Variants in TXNDC11 observed in about 807,000 individuals in gnomAD.
TXNDC11 encodes the protein thioredoxin domain-containing protein 11.
TXNDC11 carries 68 observed loss-of-function variants against 78.0 expected under a neutral mutation model. The ratio of observed to expected loss-of-function variants is 0.87; its 90% CI spans 0.72 to 1.07. The LOEUF (loss-of-function observed/expected upper bound fraction) is 1.07. TXNDC11 is among the 50% of genes least tolerant of loss of function. The pLI is 0.00. For missense variants in TXNDC11, 1,389 were observed against 1,221.8 expected (o/e 1.14, Z -2.04); for synonymous variants, 571 against 495.2 (o/e 1.15, Z -2.03).
chr16:11,701,821 G>A (rs909336602), intron 5 of TXNDC11, among the ~76,000 whole-genome samples: 6 of 152,044 alleles, frequency 3.9e-5, no homozygotes, highest in African/African-American at 1.2e-4. Context: ...AAGGCAAAAC[G>A]GCACAGCCAC....
chr16:11,701,631 G>A (rs2051028892), intron 5 of TXNDC11, among the ~76,000 whole-genome samples: 1 of 152,036 alleles, frequency 6.6e-6, no homozygotes, highest in Non-Finnish European at 1.5e-5. Context: ...CACAGAAAAG[G>A]AAATATGTAT....
At chr16:11,709,403 A>C in intron 5 of TXNDC11, among the ~76,000 whole-genome samples, 2 of 133,670 alleles carry the variant, frequency 1.5e-5, no homozygotes, top group Admixed American at 7.7e-5. Flanking sequence ...CACCACCACC[A>C]TGCGTAGCTA....
At chr16:11,737,452 A>T (rs1454257083) in intron 1 of TXNDC11, among the ~76,000 whole-genome samples, 1 of 152,090 alleles carries the variant, frequency 6.6e-6, no homozygotes, top group Non-Finnish European at 1.5e-5. Flanking sequence ...TCTAAAAAAA[A>T]AAAAAAGAAA....
At chr16:11,733,899 C>G (rs2052133198) in intron 3 of TXNDC11, 83 bp downstream of exon 3, 1 of 950,462 alleles carries the variant, frequency 1.1e-6, no homozygotes, top group East Asian at 2.6e-5. Context: ...ATATCTAATA[C>G]TTTAATATAG....
At chr16:11,692,800 C>G (rs1001728185) in intron 7 of TXNDC11, among the ~76,000 whole-genome samples, 2 of 152,158 alleles carry the variant, frequency 1.3e-5, no homozygotes, top group African/African-American at 4.8e-5. Context: ...TGAGATAAAA[C>G]CTCCACACAA....
In TXNDC11 at chr16:11,679,869, G is replaced by C. The variant is rs1210712807; in HGVS notation, c.2235-32C>G. ...AGAGAGGGAAAGGAAGCAAAGACAG[G>C]AGTCACACCAACACAATGAGTCCAA... On this transcript the variant is annotated intron_variant, in intron 11 of 11. Transcript: ENST00000283033. The surrounding 1 kb of genome is among the most constrained non-coding windows in gnomAD (Gnocchi z 4.6). 1 of 1,581,384 alleles carries C rather than the reference G, an allele frequency of 6.3e-7. No individual in the cohort carries two copies. Among genetic ancestry groups the C allele is most frequent in the Admixed American group, 1.7e-5 (1 of 58,406 alleles).
At chr16:11,704,950 C>A (rs1415347916) in intron 5 of TXNDC11, among the ~76,000 whole-genome samples, 1 of 151,558 alleles carries the variant, frequency 6.6e-6, no homozygotes, top group Admixed American at 6.6e-5. Context: ...TGTTCTGTCG[C>A]CCAGGCTGGA....
chr16:11,737,774 G>C (rs1597503725), intron 1 of TXNDC11, among the ~76,000 whole-genome samples: 2 of 149,318 alleles, frequency 1.3e-5, no homozygotes, highest in South Asian at 4.3e-4. Context: ...GCTGAGGCAG[G>C]AGAATTGTGT....
intron 11 of TXNDC11, among the ~76,000 whole-genome samples, chr16:11,681,289 G>C (rs999003438): frequency 9.2e-5 from 14 of 152,340 alleles, no homozygotes; most frequent in Admixed American, 3.9e-4. Flanking sequence ...GCACAAGCCT[G>C]GTCTTGTAAG....
intron 5 of TXNDC11, among the ~76,000 whole-genome samples, chr16:11,701,065 A>G (rs1044721365): frequency 6.6e-6 from 1 of 150,756 alleles, no homozygotes; most frequent in Admixed American, 6.6e-5. Flanking sequence ...TATTTTTTAT[A>G]GCACTTATTA....
chr16:11,704,017 G>T (rs1299093791), intron 5 of TXNDC11, among the ~76,000 whole-genome samples: 1 of 152,134 alleles, frequency 6.6e-6, no homozygotes. Flanking sequence ...GCTTGAACCC[G>T]GGAGGTGCAG....
intron 5 of TXNDC11, among the ~76,000 whole-genome samples, chr16:11,709,717 G>A (rs1167148385): frequency 2.0e-5 from 3 of 152,032 alleles, no homozygotes; most frequent in East Asian, 3.9e-4. Context: ...TTACAGGCGT[G>A]AGCCACCGCG....
At chr16:11,708,931 T>C (rs1388706899) in intron 5 of TXNDC11, among the ~76,000 whole-genome samples, 1 of 152,226 alleles carries the variant, frequency 6.6e-6, no homozygotes, top group Non-Finnish European at 1.5e-5. Context: ...ACCCCTCTAA[T>C]TTTAATATTT....
rs555322148 is a variant in TXNDC11 at position 11,701,206 on chromosome 16, G to A, written c.794-642C>T. On this transcript the variant is annotated intron_variant, in intron 5 of 11. Transcript: ENST00000283033. ...GGTTGGAGTGCAGTGGTGCGATATCGGCTCACTACAACCTCCGTCTCATGG... is the reference window on the plus strand; with the variant it reads ...GGTTGGAGTGCAGTGGTGCGATATCAGCTCACTACAACCTCCGTCTCATGG... 1.1e-3 allele frequency among the ~76,000 whole-genome samples: 152 copies of A among 136,916 alleles called. No homozygotes were observed. The Middle Eastern group carries it at 0.013, about 11-fold the overall frequency. 89.8% of individuals were successfully genotyped at this position (136,916 alleles called of 152,430 possible).
Position 11,698,298 on chromosome 16 carries a change from T to G in TXNDC11, c.934A>C (p.Thr312Pro). The change falls in exon 7 of 12, where the codon ACA becomes CCA. Residue 312 changes from threonine to proline, a missense_variant. Thr to Pro is a conservative substitution (Grantham distance 38). Transcript: ENST00000283033. ...GCCCACTTACAGATGTTCTCAGCTG[T>G]GTAGTTCAGGACCTCCCTGGGGAAG... ...LVFPREVLNY[T>P]AENICKWALE... The G allele has an allele frequency of 6.2e-7, 1 of 1,613,774 alleles. No individual in the cohort carries two copies.
chr16:11,700,636 A>C, intron 5 of TXNDC11, 72 bp from the exon 6 acceptor site: 1 of 758,652 alleles, frequency 1.3e-6, no homozygotes, highest in Non-Finnish European at 2.3e-6. Context: ...CCAGTGATCA[A>C]GTCTTGAAGC....
At chr16:11,711,124 AT>A (rs2051339987) in intron 5 of TXNDC11, among the ~76,000 whole-genome samples, 1 of 152,266 alleles carries the variant, frequency 6.6e-6, no homozygotes, top group Middle Eastern at 3.4e-3. Context: ...AGGGAAAAAC[AT>A]TACATTTAAA....
chr16:11,699,241 G>A (rs1025475026), intron 6 of TXNDC11, among the ~76,000 whole-genome samples: 2 of 106,370 alleles, frequency 1.9e-5, no homozygotes, highest in African/African-American at 7.1e-5. Context: ...CTACCAAATC[G>A]AAGCAGAAAC....
At chr16:11,737,651 C>T (rs976882608) in intron 1 of TXNDC11, among the ~76,000 whole-genome samples, 2 of 151,576 alleles carry the variant, frequency 1.3e-5, no homozygotes, top group African/African-American at 4.8e-5. Context: ...ACCACGAGGT[C>T]AGGAGATCAA....
Sources: gnomAD v4.1 joint callset for allele counts (sites outside exome capture counted in the v4.1 genomes callset) on GRCh38, gnomAD v4.1.1 for gene constraint, Gnocchi (gnomAD v3.1) non-coding constraint, MANE v1.5 for transcripts, NCBI Gene and HGNC (gene_info 2026-07-23, HGNC 2026-07-21) for gene names.